The following SPMIP8 variants were observed in gnomAD, a reference collection of about 807,000 sequenced individuals.
SPMIP8 encodes sperm microtubule inner protein 8, also known as testicular tissue protein Li 196.
the SPMIP8 span, chr16:57,987,285 C>A: frequency 1.7e-6 from 2 of 1,162,104 alleles, no homozygotes; most frequent in South Asian, 2.2e-5. Context: ...GTCTCCTGAG[C>A]CACATAGAGG....
the SPMIP8 span, among the ~76,000 whole-genome samples, chr16:57,983,245 G>A: frequency 6.6e-6 from 1 of 152,126 alleles, no homozygotes; most frequent in Non-Finnish European, 1.5e-5. Flanking sequence ...AGCTTCCTGA[G>A]TAGCTGAGAC....
chr16:57,981,112 G>A, the SPMIP8 span, among the ~76,000 whole-genome samples: 1 of 152,072 alleles, frequency 6.6e-6, no homozygotes, highest in East Asian at 1.9e-4. Context: ...CGGGCGTGGC[G>A]GTTCACGCCT....
chr16:57,981,092 G>GT, the SPMIP8 span, among the ~76,000 whole-genome samples: 9 of 152,050 alleles, frequency 5.9e-5, no homozygotes, highest in African/African-American at 2.2e-4. Context: ...TAATAATCTG[G>GT]TATCTTGGCC....
chr16:57,984,132 G>T, the SPMIP8 span, among the ~76,000 whole-genome samples: 1 of 152,056 alleles, frequency 6.6e-6, no homozygotes, highest in Admixed American at 6.6e-5. Flanking sequence ...TGGAACTCCT[G>T]ACCTTAAGTG....
chr16:57,977,422 A>G, the SPMIP8 span, among the ~76,000 whole-genome samples: 1 of 150,080 alleles, frequency 6.7e-6, no homozygotes, highest in Non-Finnish European at 1.5e-5. Flanking sequence ...AAAAAAAAAA[A>G]AAGAAAAGAA....
chr16:57,985,571 A>T, the SPMIP8 span: 164 of 1,572,184 alleles, frequency 1.0e-4, no homozygotes, highest in African/African-American at 2.1e-3. Context: ...GCGCCCGGGG[A>T]CCCCATATCT....
the SPMIP8 span, chr16:57,985,654 G>C: frequency 6.9e-7 from 1 of 1,450,044 alleles, no homozygotes; most frequent in Non-Finnish European, 9.2e-7. Context: ...TGAGAACTGG[G>C]AAAAATTGGC....
chr16:57,983,816 T>C, the SPMIP8 span, among the ~76,000 whole-genome samples: 3 of 152,210 alleles, frequency 2.0e-5, no homozygotes, highest in Non-Finnish European at 2.9e-5. Flanking sequence ...TTTCACCTTG[T>C]TGCCCAGGCT....
the SPMIP8 span, among the ~76,000 whole-genome samples, chr16:57,979,223 G>A: frequency 6.6e-6 from 1 of 152,204 alleles, no homozygotes; most frequent in East Asian, 1.9e-4. Context: ...CAGGGGGAGT[G>A]CAGGCCCATA....
the SPMIP8 span, among the ~76,000 whole-genome samples, chr16:57,982,348 T>C: frequency 6.6e-6 from 1 of 152,242 alleles, no homozygotes; most frequent in Non-Finnish European, 1.5e-5. Context: ...TTTCAGTTAC[T>C]TGTTATGTCT....
chr16:57,984,247 G>T, the SPMIP8 span: 2 of 1,584,882 alleles, frequency 1.3e-6, no homozygotes, highest in South Asian at 2.2e-5. Flanking sequence ...GTTCTCCTAT[G>T]ACCTCTGACC....
chr16:57,984,534 A>C, the SPMIP8 span: 2 of 1,499,472 alleles, frequency 1.3e-6, no homozygotes, highest in Non-Finnish European at 1.8e-6. Flanking sequence ...GGTCCAATGC[A>C]CCGGGCCACT....
the SPMIP8 span, among the ~76,000 whole-genome samples, chr16:57,979,741 A>G: frequency 6.6e-6 from 1 of 152,034 alleles, no homozygotes; most frequent in Non-Finnish European, 1.5e-5. Context: ...TTGCTCCCCA[A>G]CTTTTTATTA....
chr16:57,978,297 T>C, the SPMIP8 span, among the ~76,000 whole-genome samples: 345 of 152,176 alleles, frequency 2.3e-3, no homozygotes, highest in Middle Eastern at 6.8e-3. Context: ...CCCAGCACTT[T>C]GGGAGGCCAA....
chr16:57,983,404 T>A, the SPMIP8 span, among the ~76,000 whole-genome samples: 1 of 152,210 alleles, frequency 6.6e-6, no homozygotes, highest in Non-Finnish European at 1.5e-5. Context: ...GTTTTTGCCA[T>A]GTAGAAGTTT....
At chr16:57,976,585 T>C in the SPMIP8 span, 2 of 1,614,202 alleles carry the variant, frequency 1.2e-6, no homozygotes, top group Non-Finnish European at 8.5e-7. Context: ...AAAGTCCTTA[T>C]AAGCCTGTGC....
the SPMIP8 span, among the ~76,000 whole-genome samples, chr16:57,979,554 A>T: frequency 6.6e-6 from 1 of 152,220 alleles, no homozygotes; most frequent in Non-Finnish European, 1.5e-5. Context: ...TATTGTAAGC[A>T]TATGCTTTAA....
the SPMIP8 span, among the ~76,000 whole-genome samples, chr16:57,983,070 T>C: frequency 6.6e-6 from 1 of 152,196 alleles, no homozygotes; most frequent in Non-Finnish European, 1.5e-5. Flanking sequence ...GCATATTGTA[T>C]ATACCCATCT....
the SPMIP8 span, chr16:57,977,830 T>C: frequency 6.2e-7 from 1 of 1,613,606 alleles, no homozygotes; most frequent in South Asian, 1.1e-5. Flanking sequence ...GCCCGCATCA[T>C]TGACCTGGTG....
Sources: allele counts gnomAD v4.1 joint callset (sites outside exome capture counted in the v4.1 genomes callset), GRCh38; gene constraint gnomAD v4.1.1; transcripts MANE v1.5; gene names NCBI Gene and HGNC (gene_info 2026-07-23, HGNC 2026-07-21).